The following QTMAN variants were observed in gnomAD, a reference collection of about 807,000 sequenced individuals.
QTMAN encodes queuosine-tRNA mannosyltransferase.
At chr2:144,289,120 G>A in the QTMAN span, among the ~76,000 whole-genome samples, 3 of 138,932 alleles carry the variant, frequency 2.2e-5, no homozygotes, top group Non-Finnish European at 4.5e-5. Context: ...TGCAAGCTCC[G>A]CCTCCCGGGT....
chr2:144,226,141 A>T, the QTMAN span, among the ~76,000 whole-genome samples: 11 of 152,224 alleles, frequency 7.2e-5, no homozygotes, highest in African/African-American at 2.4e-4. Flanking sequence ...ATCATGGTCA[A>T]TATCATTGAA....
At chr2:144,080,992 CA>C in the QTMAN span, among the ~76,000 whole-genome samples, 1 of 152,142 alleles carries the variant, frequency 6.6e-6, no homozygotes, top group African/African-American at 2.4e-5. Flanking sequence ...CTGTTGTTAG[CA>C]AATTTTGCAG....
At chr2:144,051,452 C>T in the QTMAN span, among the ~76,000 whole-genome samples, 23 of 151,998 alleles carry the variant, frequency 1.5e-4, no homozygotes, top group Non-Finnish European at 3.4e-4. Context: ...CCCAGGAGTT[C>T]AAGGCTGTAG....
At chr2:144,275,968 TCA>T in the QTMAN span, among the ~76,000 whole-genome samples, 6 of 152,166 alleles carry the variant, frequency 3.9e-5, no homozygotes, top group Non-Finnish European at 7.4e-5. Context: ...TACATATTCC[TCA>T]CACACACATA....
the QTMAN span, among the ~76,000 whole-genome samples, chr2:144,108,805 A>T: frequency 1.3e-5 from 2 of 152,332 alleles, no homozygotes; most frequent in East Asian, 3.9e-4. Context: ...GTGAACTCCT[A>T]TTCACAATTG....
chr2:144,292,240 C>T, the QTMAN span, among the ~76,000 whole-genome samples: 4 of 152,188 alleles, frequency 2.6e-5, no homozygotes, highest in African/African-American at 9.7e-5. Context: ...CCAGTCTAAT[C>T]ACCAACAGCT....
At chr2:144,178,309 T>G in the QTMAN span, 2 of 152,166 alleles carry the variant, frequency 1.3e-5, no homozygotes, top group African/African-American at 4.8e-5. Context: ...CAGGATCAAA[T>G]GAGATGACAC....
At chr2:144,127,620 A>G in the QTMAN span, among the ~76,000 whole-genome samples, 49 of 152,156 alleles carry the variant, frequency 3.2e-4, no homozygotes, top group South Asian at 9.1e-3. Context: ...AGTGGCGATT[A>G]AAGTTGATAA....
At chr2:144,051,326 T>G in the QTMAN span, among the ~76,000 whole-genome samples, 1 of 151,814 alleles carries the variant, frequency 6.6e-6, no homozygotes, top group Admixed American at 6.6e-5. Context: ...AGGCCAAGAG[T>G]TTGAGACCAA....
At chr2:143,962,616 G>T in the QTMAN span, among the ~76,000 whole-genome samples, 1 of 152,158 alleles carries the variant, frequency 6.6e-6, no homozygotes, top group Non-Finnish European at 1.5e-5. Context: ...CTAATCTGAA[G>T]CCTTTGTAGG....
At chr2:144,194,007 G>T in the QTMAN span, among the ~76,000 whole-genome samples, 98 of 152,044 alleles carry the variant, frequency 6.4e-4, no homozygotes, top group Middle Eastern at 6.8e-3. Flanking sequence ...TTATGGTTTC[G>T]GGCCAAACAC....
the QTMAN span, among the ~76,000 whole-genome samples, chr2:144,137,943 C>T: frequency 6.6e-6 from 1 of 152,128 alleles, no homozygotes; most frequent in Non-Finnish European, 1.5e-5. Context: ...TAATGATTAT[C>T]TCCTTAGAAC....
At chr2:144,280,864 TA>T in the QTMAN span, among the ~76,000 whole-genome samples, 7 of 151,968 alleles carry the variant, frequency 4.6e-5, no homozygotes, top group African/African-American at 1.7e-4. Context: ...AAATGCATAT[TA>T]AAACAACCCT....
the QTMAN span, among the ~76,000 whole-genome samples, chr2:143,983,046 T>G: frequency 6.6e-6 from 1 of 152,166 alleles, no homozygotes; most frequent in East Asian, 1.9e-4. Context: ...TAAATGTATA[T>G]TTTTAAATCA....
the QTMAN span, among the ~76,000 whole-genome samples, chr2:144,150,971 G>T: frequency 6.6e-6 from 1 of 152,088 alleles, no homozygotes; most frequent in South Asian, 2.1e-4. Context: ...AGAATGACAG[G>T]TTGAGGAACT....
the QTMAN span, among the ~76,000 whole-genome samples, chr2:144,175,961 G>A: frequency 2.6e-5 from 4 of 152,050 alleles, no homozygotes; most frequent in African/African-American, 4.8e-5. Context: ...CACCATGCTC[G>A]GCCTAGATAA....
chr2:144,135,355 C>A, the QTMAN span, among the ~76,000 whole-genome samples: 1 of 151,996 alleles, frequency 6.6e-6, no homozygotes, highest in East Asian at 1.9e-4. Flanking sequence ...ATGCTATAAG[C>A]TAAGTTGTGA....
At chr2:144,172,621 C>CAAAAAAAAAAAA in the QTMAN span, among the ~76,000 whole-genome samples, 2 of 51,358 alleles carry the variant, frequency 3.9e-5, no homozygotes, top group East Asian at 6.1e-4. Context: ...AAGACTCTGT[C>CAAAAAAAAAAAA]AAAAAAAAAA....
chr2:144,300,047 T>A, the QTMAN span, among the ~76,000 whole-genome samples: 2 of 152,272 alleles, frequency 1.3e-5, no homozygotes, highest in Non-Finnish European at 2.9e-5. Flanking sequence ...ATTCAACTTA[T>A]ATGAGGTACC....
Sources: allele counts gnomAD v4.1 joint callset (sites outside exome capture counted in the v4.1 genomes callset), GRCh38; gene constraint gnomAD v4.1.1; transcripts MANE v1.5; gene names NCBI Gene and HGNC (gene_info 2026-07-23, HGNC 2026-07-21).